PHC2: variants seen among roughly 807,000 people sequenced by gnomAD.
The protein encoded by PHC2 is polyhomeotic-like protein 2.
In PHC2, 29 loss-of-function variants were observed where a neutral mutation model predicts 87.4. That is an observed-to-expected ratio of 0.33 (90% CI 0.25 to 0.45). The LOEUF is 0.45. Among genes scored for constraint, PHC2 ranks in the 20% least tolerant of loss-of-function variants. The pLI is 1.00. For synonymous variants in PHC2, 438 were observed against 461.7 expected (o/e 0.95, Z 0.66); for missense variants, 857 against 1,136.7 (o/e 0.75, Z 3.54).
At chr1:33,425,586 C>A (rs1405852483) in intron 1 of PHC2, among the ~76,000 whole-genome samples, 1 of 152,202 alleles carries the variant, frequency 6.6e-6, no homozygotes, top group Non-Finnish European at 1.5e-5. Context: ...ATTACTAATT[C>A]TTAAAAAGCA....
intron 1 of PHC2, 127 bp from the exon 2 acceptor site, chr1:33,375,720 C>A (rs993317238): frequency 4.4e-5 from 25 of 565,600 alleles, no homozygotes; most frequent in African/African-American, 3.1e-4. Context: ...CAAAAATATT[C>A]AAAAAATACG....
intron 1 of PHC2, among the ~76,000 whole-genome samples, chr1:33,404,635 G>C (rs1649678488): frequency 1.3e-5 from 2 of 152,102 alleles, no homozygotes; most frequent in South Asian, 4.1e-4. Flanking sequence ...CTCTGTGACT[G>C]AATCAGAAGA....
chr1:33,385,225 C>G (rs1381933738), intron 1 of PHC2, among the ~76,000 whole-genome samples: 1 of 152,160 alleles, frequency 6.6e-6, no homozygotes, highest in Non-Finnish European at 1.5e-5. Context: ...TAGGTGGGAG[C>G]TAGGCAGCAG....
rs1570449881 is a variant in PHC2 at position 33,334,549 on chromosome 1, A to T, written c.1559-257T>A. Among the ~76,000 whole-genome samples, 2 of 152,334 alleles carry T rather than the reference A, an allele frequency of 1.3e-5. No individual in the cohort carries two copies. Among genetic ancestry groups the T allele is most frequent in the Non-Finnish European group, 1.5e-5 (1 of 68,036 alleles). ...AGCTAGCAGTGTTTCTTCATTTCCC[A>T]ACCGTGCTATGAACAGTTAACCCGG... On this transcript the variant is annotated intron_variant, in intron 9 of 14. Coordinates refer to ENST00000683057, the MANE Select transcript of PHC2 (RefSeq NM_001385109.1). The surrounding 1 kb of genome is among the most constrained non-coding windows in gnomAD (Gnocchi z 5.5).
intron 1 of PHC2, among the ~76,000 whole-genome samples, chr1:33,427,874 G>C (rs970888078): frequency 1.3e-5 from 2 of 152,052 alleles, no homozygotes; most frequent in African/African-American, 4.8e-5. Context: ...TCTACCATAC[G>C]GACTCCATGC....
At chr1:33,370,858 T>A (rs1362583911) in intron 4 of PHC2, among the ~76,000 whole-genome samples, 159 bp downstream of exon 4, 1 of 151,786 alleles carries the variant, frequency 6.6e-6, no homozygotes, top group East Asian at 1.9e-4. Flanking sequence ...AACCTAAAGG[T>A]CAGTAAGAGA....
At chr1:33,366,204 G>T (rs1647438538) in intron 7 of PHC2, among the ~76,000 whole-genome samples, 1 of 152,234 alleles carries the variant, frequency 6.6e-6, no homozygotes, top group Non-Finnish European at 1.5e-5. Flanking sequence ...TGAGGTTAGT[G>T]GTTGTCTCAG....
rs565347781 is a variant in PHC2, at chr1:33,327,470, C to G, written c.2425+1400G>C. Among the ~76,000 whole-genome samples the G allele has an allele frequency of 1.8e-4, 28 of 152,278 alleles. No homozygotes were observed. The East Asian group carries it at 4.4e-3, about 24-fold the overall frequency. On this transcript the variant is annotated intron_variant, in intron 14 of 14. Transcript: ENST00000683057. ...ACAAATTTCTGGGGGTCATGGTGAA[C>G]TACATGGCTTGTCTCTGAATGGCTC... is the stretch of plus-strand genomic sequence containing the variant.
chr1:33,328,774 T>C, intron 14 of PHC2, 96 bp downstream of exon 14: 1 of 1,244,306 alleles, frequency 8.0e-7, no homozygotes, highest in Middle Eastern at 2.0e-4. Context: ...ACCTGAGTCA[T>C]TAACTAAACT....
chr1:33,351,951 CAAAAAA>C (rs10718909), intron 9 of PHC2, among the ~76,000 whole-genome samples: 2 of 87,448 alleles, frequency 2.3e-5, no homozygotes, highest in African/African-American at 4.8e-5. Context: ...GAATGCATCT[CAAAAAA>C]AAAAAAAAAA....
Position 33,367,046 on chromosome 1 carries a change from G to A in PHC2, c.976+70C>T, listed in dbSNP as rs76234366. ...GCAAATCCATGGGAAAAAGGAAAGT[G>A]TGAAAGTCTCCTCCTGACTCACGGC... On this transcript the variant is annotated intron_variant, in intron 7 of 14. Coordinates refer to ENST00000683057, the MANE Select transcript of PHC2 (RefSeq NM_001385109.1). 1,001 of 1,333,998 alleles carry A rather than the reference G, an allele frequency of 7.5e-4. 8 individuals carry two copies. In the East Asian group the frequency reaches 0.017, roughly 22 times the overall value. 82.6% of individuals were successfully genotyped at this position (1,333,998 alleles called of 1,614,324 possible). A position where few individuals can be genotyped will look rare whatever the true frequency, so the allele number is the denominator to read the frequency against.
chr1:33,364,380 ACACTTG>A lies in PHC2; in HGVS notation c.976+2730_976+2735del, dbSNP rs1193132277. 2.8e-5 allele frequency among the ~76,000 whole-genome samples: 4 copies of A among 140,464 alleles called. No homozygotes were observed. Among genetic ancestry groups the A allele is most frequent in the African/African-American group, 1.1e-4 (4 of 34,872 alleles). The allele number at this position is 140,464 out of a possible 152,430, so 92.1% of individuals were successfully genotyped here. On this transcript the variant is annotated intron_variant, in intron 7 of 14. Coordinates refer to ENST00000683057, the MANE Select transcript of PHC2 (RefSeq NM_001385109.1). This position sits in a 1 kb window ranked among gnomAD's most constrained non-coding sequence, Gnocchi z 4.1. ...CCCAGACACACACACACACACACAC[ACACTTG>A]CTTTCACACACACACACACACACAC...
chr1:33,374,519 G>C (rs1036372670), intron 2 of PHC2, among the ~76,000 whole-genome samples: 1 of 152,176 alleles, frequency 6.6e-6, no homozygotes, highest in African/African-American at 2.4e-5. Flanking sequence ...TGGGTTTTCA[G>C]GCCCTCTTAC....
intron 3 of PHC2, among the ~76,000 whole-genome samples, chr1:33,371,930 G>GGA (rs534864256): frequency 3.5e-4 from 53 of 152,316 alleles, no homozygotes; most frequent in African/African-American, 1.2e-3. Context: ...CAGCTAAGGA[G>GGA]GAGAGAGAGC....
intron 7 of PHC2, among the ~76,000 whole-genome samples, chr1:33,363,563 G>C (rs1647263162): frequency 6.6e-6 from 1 of 152,198 alleles, no homozygotes; most frequent in Non-Finnish European, 1.5e-5. Flanking sequence ...CAGCTGTGTG[G>C]CCTTCCAGCA....
rs1570470216 is a variant in PHC2 at position 33,349,403 on chromosome 1, C to A, written c.1558+4998G>T. 3 of 985,262 alleles carry A rather than the reference C, an allele frequency of 3.0e-6. No homozygotes were observed. The highest frequency in any genetic ancestry group is 1.1e-4 in the East Asian group (1 of 8,762). The allele number at this position is 985,262 out of a possible 1,614,324, so 61.0% of individuals were successfully genotyped here. ...TCCAGGGGCGACGGGCGCGCAGGGTCCCCAGGCGAGCGAGGCTGGGGAGCA... is the reference window on the plus strand; with the variant it reads ...TCCAGGGGCGACGGGCGCGCAGGGTACCCAGGCGAGCGAGGCTGGGGAGCA... On this transcript the variant is annotated intron_variant, in intron 9 of 14. Coordinates refer to ENST00000683057, the MANE Select transcript of PHC2 (RefSeq NM_001385109.1). This position sits in a 1 kb window ranked among gnomAD's most constrained non-coding sequence, Gnocchi z 4.2.
intron 9 of PHC2, chr1:33,347,750 A>G (rs928648603): frequency 2.0e-6 from 2 of 985,238 alleles, no homozygotes; most frequent in Non-Finnish European, 2.4e-6. Flanking sequence ...GGGTGGGCTG[A>G]GAAGCAGAGC....
At chr1:33,408,529 C>T (rs957998823) in intron 1 of PHC2, among the ~76,000 whole-genome samples, 3 of 152,152 alleles carry the variant, frequency 2.0e-5, no homozygotes, top group Non-Finnish European at 4.4e-5. Flanking sequence ...GGGACGATCT[C>T]GGCTCACTGC....
chr1:33,407,321 G>A (rs2148386815), intron 1 of PHC2, among the ~76,000 whole-genome samples: 1 of 152,258 alleles, frequency 6.6e-6, no homozygotes, highest in African/African-American at 2.4e-5. Flanking sequence ...TGTTATCTTT[G>A]ACTGTTGGTC....
Sources: gnomAD v4.1 joint callset for allele counts (sites outside exome capture counted in the v4.1 genomes callset) on GRCh38, gnomAD v4.1.1 for gene constraint, Gnocchi (gnomAD v3.1) non-coding constraint, MANE v1.5 for transcripts, NCBI Gene and HGNC (gene_info 2026-07-23, HGNC 2026-07-21) for gene names.